The following LRRC37A2 variants were observed in gnomAD, a reference collection of about 807,000 sequenced individuals.
LRRC37A2 encodes the protein leucine rich repeat containing 37 member A2, also known as leucine-rich repeat-containing protein 37A2.
In LRRC37A2, 9 loss-of-function variants were observed where a neutral mutation model predicts 68.8. The observed-to-expected ratio is 0.13, with a 90% confidence interval of 0.08 to 0.23. The LOEUF is 0.23. Ranked by LOEUF, LRRC37A2 falls within the 10% of genes least tolerant of loss-of-function variation. LRRC37A2 has a pLI of 1.00. For missense variants in LRRC37A2, 168 were observed against 950.4 expected, an observed-to-expected ratio of 0.18 and a Z score of 10.82; for synonymous variants, 63 against 367.6, an observed-to-expected ratio of 0.17 and a Z score of 9.48.
At chr17:46,525,691 C>G (rs1481235833) in intron 6 of LRRC37A2, among the ~76,000 whole-genome samples, 1 of 118,192 alleles carries the variant, frequency 8.5e-6, no homozygotes, top group African/African-American at 3.0e-5. Context: ...CAGGAAAACA[C>G]TGGAATCACA....
chr17:46,963,499 C>T, the LRRC37A2 span, among the ~76,000 whole-genome samples: 1 of 149,306 alleles, frequency 6.7e-6, no homozygotes, highest in African/African-American at 2.5e-5. Flanking sequence ...GAGCCAAGAT[C>T]ACACCACGCA....
chr17:46,928,131 T>C, the LRRC37A2 span, among the ~76,000 whole-genome samples: 1 of 152,108 alleles, frequency 6.6e-6, no homozygotes, highest in African/African-American at 2.4e-5. Flanking sequence ...AGCAACGGCC[T>C]GGTCTCGGAC....
the LRRC37A2 span, chr17:46,940,825 G>C: frequency 2.0e-6 from 3 of 1,464,366 alleles, no homozygotes; most frequent in Non-Finnish European, 2.7e-6. Flanking sequence ...TGCGGCTGGT[G>C]GACAGCAGCC....
At chr17:46,939,288 T>C in the LRRC37A2 span, 1 of 1,023,882 alleles carries the variant, frequency 9.8e-7, no homozygotes, top group South Asian at 3.9e-5. Flanking sequence ...GACATGTAGA[T>C]GACTGACTGC....
the LRRC37A2 span, among the ~76,000 whole-genome samples, chr17:46,734,477 C>A: frequency 6.6e-6 from 1 of 151,648 alleles, no homozygotes; most frequent in African/African-American, 2.4e-5. Flanking sequence ...TTATAATACT[C>A]TCTTTAGGTA....
At chr17:46,822,036 C>G in the LRRC37A2 span, among the ~76,000 whole-genome samples, 3,394 of 152,206 alleles carry the variant, frequency 0.022, 182 homozygotes, top group East Asian at 0.24. Flanking sequence ...GCCGGACCAA[C>G]CTGGGGGGGT....
chr17:46,868,176 C>T, the LRRC37A2 span, among the ~76,000 whole-genome samples: 1 of 152,270 alleles, frequency 6.6e-6, no homozygotes, highest in South Asian at 2.1e-4. Context: ...AGCCCCCAGC[C>T]CAGAAGAGCA....
chr17:46,521,112 T>C (rs2052218669), intron 4 of LRRC37A2, among the ~76,000 whole-genome samples: 1 of 75,900 alleles, frequency 1.3e-5, no homozygotes, highest in African/African-American at 4.0e-5. Context: ...CTTCACTAAT[T>C]ACAAAATAAC....
chr17:46,746,265 A>T, the LRRC37A2 span, among the ~76,000 whole-genome samples: 25 of 152,270 alleles, frequency 1.6e-4, no homozygotes, highest in Admixed American at 4.6e-4. Flanking sequence ...CTTCTATCTC[A>T]TATTCTATGC....
chr17:46,749,212 G>T, the LRRC37A2 span, among the ~76,000 whole-genome samples: 19 of 152,268 alleles, frequency 1.2e-4, no homozygotes, highest in African/African-American at 4.6e-4. Context: ...CATAAGCCTG[G>T]CATAGTTTTT....
chr17:47,006,280 G>T, the LRRC37A2 span, among the ~76,000 whole-genome samples: 24 of 152,134 alleles, frequency 1.6e-4, no homozygotes, highest in African/African-American at 5.8e-4. Context: ...ACTGGGCCCT[G>T]AAATTTAGAG....
chr17:46,895,371 C>A, the LRRC37A2 span, among the ~76,000 whole-genome samples: 2 of 152,238 alleles, frequency 1.3e-5, no homozygotes, highest in African/African-American at 4.8e-5. Context: ...CTGGGCTGTA[C>A]GAGTCAAATC....
At chr17:46,778,393 G>A in the LRRC37A2 span, among the ~76,000 whole-genome samples, 1 of 152,162 alleles carries the variant, frequency 6.6e-6, no homozygotes, top group East Asian at 1.9e-4. Flanking sequence ...TTCAGATGGG[G>A]TCATCCTGCG....
chr17:46,842,864 C>T, the LRRC37A2 span, among the ~76,000 whole-genome samples: 1 of 152,230 alleles, frequency 6.6e-6, no homozygotes, highest in African/African-American at 2.4e-5. Flanking sequence ...TGTCCACATT[C>T]ATCTTCACAT....
intron 2 of LRRC37A2, among the ~76,000 whole-genome samples, chr17:46,516,166 G>A (rs1480484093): frequency 6.7e-6 from 1 of 150,068 alleles, no homozygotes; most frequent in African/African-American, 2.5e-5. Context: ...AGCCAGGCAT[G>A]GTGGTGGGTG....
At chr17:46,729,418 C>T in the LRRC37A2 span, among the ~76,000 whole-genome samples, 1 of 152,108 alleles carries the variant, frequency 6.6e-6, no homozygotes, top group Non-Finnish European at 1.5e-5. Flanking sequence ...GGTCATGTGG[C>T]ACTTTTGAGG....
the LRRC37A2 span, chr17:46,877,035 G>T: frequency 8.5e-7 from 1 of 1,170,574 alleles, no homozygotes; most frequent in Non-Finnish European, 1.1e-6. Context: ...CTGAAATTTT[G>T]GACGGGAGAG....
the LRRC37A2 span, chr17:47,018,842 G>T: frequency 1.3e-4 from 202 of 1,520,524 alleles, 1 homozygote; most frequent in East Asian, 5.2e-4. Context: ...TGGATCTGGG[G>T]TTTACCATCA....
At chr17:46,944,761 G>A in the LRRC37A2 span, among the ~76,000 whole-genome samples, 2 of 151,946 alleles carry the variant, frequency 1.3e-5, no homozygotes, top group African/African-American at 2.4e-5. Flanking sequence ...TACCACGCCC[G>A]GCTAATTTTT....
Sources: gnomAD v4.1 joint callset for allele counts (sites outside exome capture counted in the v4.1 genomes callset) on GRCh38, gnomAD v4.1.1 for gene constraint, MANE v1.5 for transcripts, NCBI Gene and HGNC (gene_info 2026-07-23, HGNC 2026-07-21) for gene names.